Variants in TRPV5 observed in about 807,000 individuals in gnomAD.
TRPV5 encodes transient receptor potential cation channel subfamily V member 5.
A neutral mutation model predicts 74.1 loss-of-function variants in TRPV5; 66 were observed. That is an observed-to-expected ratio of 0.89 (90% CI 0.73 to 1.09). The LOEUF is 1.09. TRPV5 is among the 50% of genes least tolerant of loss of function. The pLI is 0.00. For synonymous variants in TRPV5, 399 were observed against 360.7 expected, an observed-to-expected ratio of 1.11 and a Z score of -1.20; for missense variants, 936 against 930.4, an observed-to-expected ratio of 1.01 and a Z score of -0.08.
chr7:142,912,837 G>GATCTATCTATCTATCTATCT (rs3840678), intron 12 of TRPV5, 87 bp from the exon 13 acceptor site: 70 of 734,876 alleles, frequency 9.5e-5, no homozygotes, highest in East Asian at 3.7e-4. Flanking sequence ...TTCTATCTCT[G>GATCTATCTATCTATCTATCT]ATCTATCTAT....
Position 142,912,645 on chromosome 7 carries a change from T to G in TRPV5, c.1625A>C (p.Asp542Ala). 6.2e-7 allele frequency: 1 copy of G among 1,614,176 alleles called. No individual in the cohort carries two copies. The highest frequency in any genetic ancestry group is 8.5e-7 in the Non-Finnish European group (1 of 1,180,024). The change falls in exon 13 of 15, where the codon GAT (aspartate) becomes GCT (alanine). Residue 542 changes from aspartate to alanine, a missense_variant. By Grantham distance (126) the Asp-to-Ala change is moderately radical. Coordinates refer to ENST00000265310, the MANE Select transcript of TRPV5 (RefSeq NM_019841.7). ...TTFELFLTVI[D>A]APANYDVDLP... The stretch of plus-strand genomic sequence containing the variant: ...GTCCACGTCGTAGTTGGCAGGTGCA[T>G]CAATAACAGTGAGAAAAAGCTCAAA...
chr7:142,929,139 C>A lies in TRPV5; in HGVS notation c.488-19G>T. ...TGCTCCCCTGTGGACACAGAGAGATCCATGGCAGGAGAACGCAGGATGGCA... is the reference window on the plus strand; with the variant it reads ...TGCTCCCCTGTGGACACAGAGAGATACATGGCAGGAGAACGCAGGATGGCA... On this transcript the variant is annotated intron_variant, in intron 4 of 14. Transcript: ENST00000265310. The A allele has an allele frequency of 6.2e-7, 1 of 1,612,870 alleles. No homozygotes were observed. Among genetic ancestry groups the A allele is most frequent in the Non-Finnish European group, 8.5e-7 (1 of 1,179,460 alleles).
At position 142,930,427 on chromosome 7, in the gene TRPV5, G is replaced by A. The variant is rs192601485; in HGVS notation, c.148C>T (p.Leu50Phe). ...AGGTCATTTTCCTTGGATGCTCGAAGCAGTGGAGACTCTAGAATCCTGGGG... is the reference window on the plus strand; with the variant it reads ...AGGTCATTTTCCTTGGATGCTCGAAACAGTGGAGACTCTAGAATCCTGGGG... ...QQKRILESPLLRASKENDLSV... is the reference protein window; with the variant it reads ...QQKRILESPLFRASKENDLSV... Residue 50 changes from leucine to phenylalanine, a missense_variant, in exon 2 of 15, where the codon CTT becomes TTT. Physicochemically the swap from Leu to Phe is conservative, Grantham distance 22. Transcript: ENST00000265310. The A allele has an allele frequency of 4.1e-5, 66 of 1,614,104 alleles. No individual in the cohort carries two copies. The highest frequency in any genetic ancestry group is 3.3e-4 in the Middle Eastern group (2 of 6,062).
chr7:142,912,687 A>G lies in TRPV5; in HGVS notation c.1583T>C (p.Met528Thr), dbSNP rs1482454100. 6.2e-7 allele frequency: 1 copy of G among 1,614,220 alleles called. No individual in the cohort carries two copies. The highest frequency in any genetic ancestry group is 1.1e-5 in the South Asian group (1 of 91,084). Residue 528 changes from methionine (M) to threonine (T), a missense_variant, in exon 13 of 15, where the codon ATG becomes ACG. Physicochemically the swap from Met to Thr is moderately conservative, Grantham distance 81. Transcript: ENST00000265310. Reference sequence around the variant, plus strand: ...AAGCTCAAAGGTGGTGAACAGTGCCATGGGGTAGTCATAGAATTGCCCCAG... The same window carrying G: ...AAGCTCAAAGGTGGTGAACAGTGCCGTGGGGTAGTCATAGAATTGCCCCAG... ...TSLGQFYDYP[M>T]ALFTTFELFL...
chr7:142,913,742 C>A (rs1480249632), intron 12 of TRPV5, among the ~76,000 whole-genome samples: 1 of 152,160 alleles, frequency 6.6e-6, no homozygotes, highest in Admixed American at 6.5e-5. Flanking sequence ...AACGGGAAAT[C>A]CCTGAGGACA....
chr7:142,916,058 C>T (rs776470467), intron 8 of TRPV5, among the ~76,000 whole-genome samples: 16 of 152,214 alleles, frequency 1.1e-4, no homozygotes, highest in Non-Finnish European at 1.9e-4. Flanking sequence ...AGACCTTGAA[C>T]CATTCATGGA....
chr7:142,917,000 C>A (rs1374262586), intron 8 of TRPV5, among the ~76,000 whole-genome samples: 1 of 146,598 alleles, frequency 6.8e-6, no homozygotes, highest in Non-Finnish European at 1.5e-5. Context: ...TAGCAAATTT[C>A]TTTTTTTACT....
chr7:142,930,177 G>A lies in TRPV5; in HGVS notation c.230C>T (p.Ala77Val). 1 of 1,612,224 alleles carries A rather than the reference G, an allele frequency of 6.2e-7. No homozygotes were observed. ...TATGTGCAGCGCCGTCTCCCCCAGG[G>A]CTCCTGGATTGGAGTAAGACAGAGA... ...DCTCDVRQRG[A>V]LGETALHIAA... Residue 77 changes from alanine (A) to valine (V), a missense_variant, in exon 3 of 15, where the codon GCC becomes GTC. Ala to Val is a moderately conservative substitution (Grantham distance 64). Transcript: ENST00000265310.
At chr7:142,908,833 C>T (rs375021799) in intron 14 of TRPV5, 25 bp from the exon 15 acceptor site, 8 of 1,597,938 alleles carry the variant, frequency 5.0e-6, no homozygotes, top group African/African-American at 1.3e-5. Flanking sequence ...GGGGAAAGGA[C>T]TCAATCCAGG....
chr7:142,924,307 TATATACAC>T (rs1795939454), intron 8 of TRPV5, among the ~76,000 whole-genome samples: 1 of 33,200 alleles, frequency 3.0e-5, no homozygotes, highest in Non-Finnish European at 7.8e-5. Context: ...TATACATATA[TATATACAC>T]ACATATACAT....
rs191334708 is a variant in TRPV5 at position 142,921,284 on chromosome 7, T to A, written c.1122+4245A>T. Among the ~76,000 whole-genome samples, 74 of 152,304 alleles carry A rather than the reference T, an allele frequency of 4.9e-4. No homozygotes were observed. The East Asian group carries it at 6.4e-3, about 13-fold the overall frequency. ...TTCCTAGGCCAATCCACCATTTTTT[T>A]AAATTTATTTATTTTGAGACGGAGT... On this transcript the variant is annotated intron_variant, in intron 8 of 14. Coordinates refer to ENST00000265310, the MANE Select transcript of TRPV5 (RefSeq NM_019841.7).
At chr7:142,916,976 A>G (rs1177290685) in intron 8 of TRPV5, among the ~76,000 whole-genome samples, 1 of 139,006 alleles carries the variant, frequency 7.2e-6, no homozygotes, top group African/African-American at 2.6e-5. Context: ...GGTAAATTTT[A>G]TTTTATCATA....
chr7:142,913,349 A>G (rs1795735899), intron 12 of TRPV5, among the ~76,000 whole-genome samples: 1 of 152,212 alleles, frequency 6.6e-6, no homozygotes, highest in South Asian at 2.1e-4. Context: ...ACTGCTTGAA[A>G]GCCTCCTCAC....
chr7:142,908,903 G>T, intron 14 of TRPV5, 95 bp from the exon 15 acceptor site: 1 of 1,291,556 alleles, frequency 7.7e-7, no homozygotes, highest in Non-Finnish European at 1.1e-6. Context: ...GGTCAAGAGG[G>T]AAGCAGAAAT....
chr7:142,929,160 T>C (rs754507643), intron 4 of TRPV5, 40 bp from the exon 5 acceptor site: 12 of 1,604,866 alleles, frequency 7.5e-6, no homozygotes, highest in South Asian at 2.2e-5. Flanking sequence ...GAACGCAGGA[T>C]GGCAGGATGG....
At chr7:142,928,968 C>T (rs2116606433) in intron 5 of TRPV5, 54 bp downstream of exon 5, 1 of 1,612,776 alleles carries the variant, frequency 6.2e-7, no homozygotes, top group Non-Finnish European at 8.5e-7. Context: ...CACTCCTTAC[C>T]CTGTCCCTCG....
chr7:142,912,837 G>GATGT (rs1795724218), intron 12 of TRPV5, 87 bp from the exon 13 acceptor site: 27 of 734,758 alleles, frequency 3.7e-5, no homozygotes, highest in Non-Finnish European at 5.5e-5. Flanking sequence ...TTCTATCTCT[G>GATGT]ATCTATCTAT....
intron 14 of TRPV5, among the ~76,000 whole-genome samples, chr7:142,909,225 A>G (rs1044929017): frequency 1.3e-5 from 2 of 152,188 alleles, no homozygotes; most frequent in African/African-American, 4.8e-5. Context: ...ATCCAAGCCA[A>G]AAGTACACTG....
intron 2 of TRPV5, 62 bp from the exon 3 acceptor site, chr7:142,930,242 A>C: frequency 6.2e-7 from 1 of 1,607,352 alleles, no homozygotes; most frequent in Non-Finnish European, 8.5e-7. Flanking sequence ...AAGGGGCCTC[A>C]GGCTCCAGAG....
Sources: allele counts gnomAD v4.1 joint callset (sites outside exome capture counted in the v4.1 genomes callset), GRCh38; gene constraint gnomAD v4.1.1; transcripts MANE v1.5; gene names NCBI Gene and HGNC (gene_info 2026-07-23, HGNC 2026-07-21).